Variants in WDR64 observed in about 807,000 individuals in gnomAD.
WDR64 encodes the protein WD repeat domain 64, also known as WD repeat-containing protein 64.
In WDR64, 112 loss-of-function variants were observed where a neutral mutation model predicts 139.3. That is an observed-to-expected ratio of 0.80 (90% confidence interval 0.69 to 0.94). WDR64 has a LOEUF of 0.94. WDR64 is among the 40% of genes least tolerant of loss of function. WDR64 has a pLI of 0.00. For synonymous variants in WDR64, 444 were observed against 437.7 expected (o/e 1.01, Z -0.18); for missense variants, 1,206 against 1,293.1 (o/e 0.93, Z 1.03).
At chr1:241,737,251 A>AT (rs1237731524) in intron 10 of WDR64, among the ~76,000 whole-genome samples, 1 of 152,236 alleles carries the variant, frequency 6.6e-6, no homozygotes, top group Non-Finnish European at 1.5e-5. Context: ...GAGGGTTTAC[A>AT]TTTGAGCAAA....
chr1:241,675,123 C>CCTTCCTTCCT (rs1427164669), intron 4 of WDR64, among the ~76,000 whole-genome samples: 1 of 17,298 alleles, frequency 5.8e-5, no homozygotes, highest in East Asian at 2.4e-3. Flanking sequence ...CTCCCTCCCT[C>CCTTCCTTCCT]CTTCCCTCCT....
rs1669540959 is a variant in WDR64 at position 241,741,569 on chromosome 1, C to G, written c.1375C>G (p.Gln459Glu). The change falls in exon 12 of 28, where the codon CAG becomes GAG. Residue 459 changes from glutamine (Q) to glutamate (E), a missense_variant. Gln to Glu is a conservative substitution (Grantham distance 29, BLOSUM62 2). Transcript: ENST00000437684. ...PLTRMIQDTK[Q>E]VPHTHEREIN... ...GACTAGGATGATACAAGATACAAAA[C>G]AGGTTCCTCACACTCATGAACGAGA... The G allele has an allele frequency of 6.2e-7, 1 of 1,613,438 alleles. No individual in the cohort carries two copies. The highest frequency in any genetic ancestry group is 8.5e-7 in the Non-Finnish European group (1 of 1,179,772).
intron 7 of WDR64, 22 bp from the exon 8 acceptor site, chr1:241,687,439 C>A: frequency 6.2e-7 from 1 of 1,612,746 alleles, no homozygotes; most frequent in South Asian, 1.1e-5. Flanking sequence ...ATAAATCTCC[C>A]CTGCCTTTTC....
chr1:241,712,105 G>A (rs936709059), intron 9 of WDR64, among the ~76,000 whole-genome samples: 2 of 152,100 alleles, frequency 1.3e-5, no homozygotes, highest in African/African-American at 4.8e-5. Flanking sequence ...ACTAGAATTT[G>A]TTCTTACTGT....
At chr1:241,793,570 CA>C (rs1438395437) in intron 25 of WDR64, among the ~76,000 whole-genome samples, 1 of 152,178 alleles carries the variant, frequency 6.6e-6, no homozygotes, top group Non-Finnish European at 1.5e-5. Flanking sequence ...CAATTCTTTT[CA>C]AATGAAACAA....
chr1:241,737,883 A>G (rs923474022), intron 10 of WDR64, among the ~76,000 whole-genome samples: 4 of 152,298 alleles, frequency 2.6e-5, no homozygotes, highest in South Asian at 2.1e-4. Context: ...TAATTCTTAC[A>G]TATCTGGGCA....
At chr1:241,689,284 C>T (rs1231634261) in intron 8 of WDR64, among the ~76,000 whole-genome samples, 2 of 140,452 alleles carry the variant, frequency 1.4e-5, no homozygotes, top group Non-Finnish European at 1.5e-5. Flanking sequence ...CTAAAAGGCA[C>T]AAAACAGATT....
rs1002121406 is a variant in WDR64, at chr1:241,771,548, A to G, written c.2254-113A>G. 2.0e-5 allele frequency: 14 copies of G among 715,894 alleles called. 1 individual carries two copies. Among genetic ancestry groups the G allele is most frequent in the Non-Finnish European group, 2.9e-5 (14 of 488,690 alleles). 44.3% of individuals were successfully genotyped at this position (715,894 alleles called of 1,614,324 possible). A position where few individuals can be genotyped will look rare whatever the true frequency, so the allele number is the denominator to read the frequency against. ...CAAAAAAAAATTAAAGTATAATTTT[A>G]AAAGTAATGCTTAGAAATGAAAATT... On this transcript the variant is annotated intron_variant, in intron 18 of 27. Transcript: ENST00000437684.
chr1:241,696,304 C>G (rs1168898074), intron 8 of WDR64, among the ~76,000 whole-genome samples: 2 of 151,820 alleles, frequency 1.3e-5, no homozygotes, highest in Non-Finnish European at 2.9e-5. Flanking sequence ...AATGACCTCA[C>G]TGAAGTCTCA....
intron 9 of WDR64, among the ~76,000 whole-genome samples, chr1:241,720,709 A>G (rs1043145434): frequency 4.6e-5 from 7 of 152,206 alleles, no homozygotes; most frequent in African/African-American, 1.7e-4. Context: ...GATGTTAGTC[A>G]GATGGATAGA....
intron 13 of WDR64, 85 bp from the exon 14 acceptor site, chr1:241,749,462 C>T (rs1669895884): frequency 2.7e-6 from 4 of 1,461,230 alleles, no homozygotes; most frequent in East Asian, 4.6e-5. Context: ...AGAAAGCTTT[C>T]GATCGGATGA....
At chr1:241,667,584 G>C (rs1023278876) in intron 2 of WDR64, among the ~76,000 whole-genome samples, 11 of 152,138 alleles carry the variant, frequency 7.2e-5, no homozygotes, top group African/African-American at 2.7e-4. Flanking sequence ...CAAGCATGAT[G>C]GGGGACTTGA....
intron 23 of WDR64, among the ~76,000 whole-genome samples, chr1:241,787,552 C>T (rs539989514): frequency 1.3e-5 from 2 of 151,514 alleles, no homozygotes; most frequent in Non-Finnish European, 2.9e-5. Flanking sequence ...GTAATCTCAG[C>T]TACTCGGGAA....
intron 13 of WDR64, among the ~76,000 whole-genome samples, chr1:241,748,498 G>T (rs1669850278): frequency 6.6e-6 from 1 of 151,938 alleles, no homozygotes; most frequent in Admixed American, 6.5e-5. Flanking sequence ...TTCTTTTTTT[G>T]TCTGAGCCAC....
At chr1:241,733,479 AAAAAG>A (rs886547853) in intron 10 of WDR64, among the ~76,000 whole-genome samples, 25 of 149,406 alleles carry the variant, frequency 1.7e-4, no homozygotes, top group African/African-American at 5.1e-4. Context: ...CTGTCTCAAA[AAAAAG>A]AAAAGAAAAG....
intron 2 of WDR64, among the ~76,000 whole-genome samples, chr1:241,668,975 T>C (rs777115496): frequency 1.3e-5 from 2 of 152,126 alleles, no homozygotes; most frequent in Non-Finnish European, 2.9e-5. Flanking sequence ...ATATCATTTA[T>C]TTTTCTCTCC....
intron 5 of WDR64, among the ~76,000 whole-genome samples, chr1:241,679,270 C>A (rs1464977795): frequency 6.6e-6 from 1 of 152,152 alleles, no homozygotes; most frequent in Non-Finnish European, 1.5e-5. Context: ...CTGAATCATT[C>A]TCCAGCTGAT....
At chr1:241,710,694 G>C (rs1229617380) in intron 8 of WDR64, among the ~76,000 whole-genome samples, 1 of 152,188 alleles carries the variant, frequency 6.6e-6, no homozygotes, top group East Asian at 1.9e-4. Flanking sequence ...GTCCAGAAGG[G>C]AGGCTGATGA....
rs1659099200 is a variant in WDR64, at chr1:241,787,911, T to G, written c.2768T>G (p.Leu923Ter). ...TTTGGACAGCGAAGGCTCTTTGAAT[T>G]ATCACAGACAAGAGATTTCATTTTG... is the stretch of plus-strand genomic sequence containing the variant. ...GYFGQRRLFE[L>*]SQTRDFILPC... is the part of the protein sequence containing the mutation. Residue 923 changes from leucine (L) to a stop codon, truncating the protein, a stop_gained, in exon 24 of 28, where the codon TTA becomes TGA. Transcript: ENST00000437684. LOFTEE classifies it high-confidence loss of function. 6.2e-7 allele frequency: 1 copy of G among 1,612,720 alleles called. No homozygotes were observed. Among genetic ancestry groups the G allele is most frequent in the Non-Finnish European group, 8.5e-7 (1 of 1,179,502 alleles).
Sources: gnomAD v4.1 joint callset for allele counts (sites outside exome capture counted in the v4.1 genomes callset) on GRCh38, gnomAD v4.1.1 for gene constraint, MANE v1.5 for transcripts, NCBI Gene and HGNC (gene_info 2026-07-23, HGNC 2026-07-21) for gene names.